ZNF521: variants seen among roughly 807,000 people sequenced by gnomAD.
The protein encoded by ZNF521 is zinc finger protein 521, also known as LYST-interacting protein 3.
ZNF521 carries 14 observed loss-of-function variants against 105.5 expected under a neutral mutation model. The ratio of observed to expected loss-of-function variants is 0.13; its 90% confidence interval spans 0.09 to 0.21. The LOEUF (loss-of-function observed/expected upper bound fraction) is 0.21. Ranked by LOEUF, ZNF521 falls within the 10% of genes least tolerant of loss-of-function variation. ZNF521 has a pLI of 1.00. For missense variants in ZNF521, 1,233 were observed against 1,629.7 expected, an observed-to-expected ratio of 0.76 and a Z score of 4.19; for synonymous variants, 635 against 606.0, an observed-to-expected ratio of 1.05 and a Z score of -0.70.
intron 5 of ZNF521, among the ~76,000 whole-genome samples, chr18:25,173,106 A>G (rs892147031): frequency 6.6e-6 from 1 of 152,238 alleles, no homozygotes; most frequent in Non-Finnish European, 1.5e-5. Flanking sequence ...TGCCAGTGAG[A>G]ATGATAAATC....
intron 3 of ZNF521, among the ~76,000 whole-genome samples, chr18:25,285,692 TCTCTCTCACACACACA>T (rs1910658152): frequency 7.4e-6 from 1 of 134,662 alleles, no homozygotes; most frequent in South Asian, 2.9e-4. Context: ...TCTCTCTCTC[TCTCTCTCACACACACA>T]CACACACACA....
At chr18:25,137,863 C>T (rs540213385) in intron 5 of ZNF521, among the ~76,000 whole-genome samples, 3 of 152,216 alleles carry the variant, frequency 2.0e-5, no homozygotes, top group South Asian at 2.1e-4. Context: ...CCTAAGGATG[C>T]CTAATCCTAA....
chr18:25,277,192 A>AG (rs1910089521), intron 3 of ZNF521, among the ~76,000 whole-genome samples: 1 of 152,118 alleles, frequency 6.6e-6, no homozygotes, highest in Non-Finnish European at 1.5e-5. Flanking sequence ...CAAAAAAAAA[A>AG]AAAAAGTGTA....
At chr18:25,328,773 C>T (rs879325828) in intron 2 of ZNF521, among the ~76,000 whole-genome samples, 25 of 151,976 alleles carry the variant, frequency 1.6e-4, no homozygotes, top group Admixed American at 1.1e-3. Flanking sequence ...AGGATGGTCT[C>T]GATCTTCTGA....
intron 3 of ZNF521, among the ~76,000 whole-genome samples, chr18:25,271,898 T>A (rs963649444): frequency 7.2e-5 from 11 of 151,856 alleles, no homozygotes; most frequent in African/African-American, 2.7e-4. Flanking sequence ...GCAACAAAAG[T>A]CAAAATTGAC....
chr18:25,351,038 GCGCCCTCCGCT>G (rs1279743097), intron 1 of ZNF521, 91 bp from the exon 2 acceptor site: 35 of 1,095,636 alleles, frequency 3.2e-5, no homozygotes, highest in Non-Finnish European at 7.2e-6. Context: ...GCGGCGCCTC[GCGCCCTCCGCT>G]CGGCCTCCCT....
intron 3 of ZNF521, among the ~76,000 whole-genome samples, chr18:25,235,927 T>C (rs1396433247): frequency 2.3e-5 from 3 of 132,422 alleles, no homozygotes; most frequent in African/African-American, 3.2e-5. Context: ...GGGGGAACTA[T>C]TACTACAATT....
intron 4 of ZNF521, among the ~76,000 whole-genome samples, chr18:25,211,598 A>T (rs2036180312): frequency 6.6e-6 from 1 of 152,050 alleles, no homozygotes; most frequent in Non-Finnish European, 1.5e-5. Context: ...TTTTTCCATC[A>T]GTTTCTAGCT....
intron 3 of ZNF521, among the ~76,000 whole-genome samples, chr18:25,285,698 TCACACACA>T (rs66794523): frequency 0.036 from 5,230 of 147,066 alleles, 291 homozygotes; most frequent in African/African-American, 0.12. Context: ...TCTCTCTCTC[TCACACACA>T]CACACACACA....
chr18:25,289,139 C>G (rs527354082), intron 3 of ZNF521, among the ~76,000 whole-genome samples: 1 of 151,950 alleles, frequency 6.6e-6, no homozygotes, highest in Non-Finnish European at 1.5e-5. Context: ...TGCTAAATGA[C>G]AAAATGAATG....
intron 7 of ZNF521, among the ~76,000 whole-genome samples, chr18:25,082,136 A>G (rs1466272343): frequency 6.6e-6 from 1 of 152,228 alleles, no homozygotes; most frequent in Admixed American, 6.5e-5. Flanking sequence ...TTTACTTCCA[A>G]AGCCCTGCAG....
At position 25,226,065 on chromosome 18, in the gene ZNF521, T is replaced by G. The variant is rs1906107744; in HGVS notation, c.1853A>C (p.Lys618Thr). The G allele has an allele frequency of 1.2e-6, 2 of 1,614,078 alleles. No homozygotes were observed. The highest frequency in any genetic ancestry group is 1.7e-6 in the Non-Finnish European group (2 of 1,180,028). ...SPVAIEQTSL[K>T]MMQAVGGAPA... ...TGCACCTCCTACTGCCTGCATCATC[T>G]TAAGAGATGTCTGCTCTATGGCCAC... Residue 618 changes from lysine (K) to threonine (T), a missense_variant, in exon 4 of 8, where the codon AAG becomes ACG. By Grantham distance (78) the Lys-to-Thr change is moderately conservative (BLOSUM62 -1). This residue lies in a region of ZNF521 where 614 missense variants were observed against 751.5 expected (regional missense o/e 0.82). Coordinates refer to ENST00000361524, the MANE Select transcript of ZNF521 (RefSeq NM_015461.3). The surrounding 1 kb of genome is among the most constrained non-coding windows in gnomAD (Gnocchi z 4.1).
chr18:25,281,205 A>G (rs1357165856), intron 3 of ZNF521, among the ~76,000 whole-genome samples: 1 of 152,212 alleles, frequency 6.6e-6, no homozygotes, highest in Non-Finnish European at 1.5e-5. Flanking sequence ...TTCATAGAAA[A>G]CCAGGACTAG....
rs779884258 is a variant in ZNF521, at chr18:25,351,991, T to A, written c.-2+14A>T. ...GAGAAGGAGTGTGCTGTGTGCTCCC[T>A]CCTCATCACAAACCTGCAAGGTCTT... is the stretch of plus-strand genomic sequence containing the variant. On this transcript the variant is annotated intron_variant, in intron 1 of 7. Coordinates refer to ENST00000361524, the MANE Select transcript of ZNF521 (RefSeq NM_015461.3). The A allele has an allele frequency of 1.4e-5, 6 of 442,458 alleles. No individual in the cohort carries two copies. Among genetic ancestry groups the A allele is most frequent in the Non-Finnish European group, 2.8e-5 (6 of 217,652 alleles). The allele number at this position is 442,458 out of a possible 1,614,324, so 27.4% of individuals were successfully genotyped here. A position where few individuals can be genotyped will look rare whatever the true frequency, so the allele number is the denominator to read the frequency against.
chr18:25,225,915 T>G lies in ZNF521; in HGVS notation c.2003A>C (p.Gln668Pro). 1 of 1,614,168 alleles carries G rather than the reference T, an allele frequency of 6.2e-7. No homozygotes were observed. The highest frequency in any genetic ancestry group is 2.2e-5 in the East Asian group (1 of 44,882). Residue 668 changes from glutamine (Q) to proline (P), a missense_variant, in exon 4 of 8, where the codon CAG becomes CCG. By Grantham distance (76) the Gln-to-Pro change is moderately conservative (BLOSUM62 -1). Around this residue, in one of 6 missense-constraint regions of ZNF521, gnomAD observed 614 missense variants for 751.5 expected, o/e 0.82. Transcript: ENST00000361524. This position sits in a 1 kb window ranked among gnomAD's most constrained non-coding sequence, Gnocchi z 5.6. ...TTGGTTGGGGAATTCCTTGTTGCAC[T>G]GAGGACAGGTCAATTTTGGAAGCAC... is the stretch of plus-strand genomic sequence containing the variant. ...DTVLPKLTCP[Q>P]CNKEFPNQES... is the part of the protein sequence containing the mutation.
chr18:25,216,731 C>T (rs1391094726), intron 4 of ZNF521, among the ~76,000 whole-genome samples: 6 of 152,100 alleles, frequency 3.9e-5, no homozygotes, highest in Non-Finnish European at 8.8e-5. Flanking sequence ...ATTAATTTTT[C>T]ATTTCTGTAG....
In ZNF521 at chr18:25,226,532, A is replaced by G. The variant is rs2144738078; in HGVS notation, c.1386T>C (p.Ala462=). The change falls in exon 4 of 8, where the codon GCT becomes GCC. Residue 462 remains alanine (A), a synonymous_variant. Transcript: ENST00000361524. This position sits in a 1 kb window ranked among gnomAD's most constrained non-coding sequence, Gnocchi z 4.1. The part of the protein sequence containing the change: ...LNEHLKQVHE[A]QDPGLIVSAM... Reference sequence around the variant, plus strand: ...CAGAAACAATCAGACCTGGGTCCTGAGCTTCATGCACTTGCTTAAGATGTT... The same window carrying G: ...CAGAAACAATCAGACCTGGGTCCTGGGCTTCATGCACTTGCTTAAGATGTT... 1 of 1,614,138 alleles carries G rather than the reference A, an allele frequency of 6.2e-7. No homozygotes were observed. Among genetic ancestry groups the G allele is most frequent in the Middle Eastern group, 1.6e-4 (1 of 6,062 alleles).
chr18:25,323,049 C>T (rs185928131), intron 2 of ZNF521, among the ~76,000 whole-genome samples: 218 of 151,872 alleles, frequency 1.4e-3, no homozygotes, highest in Non-Finnish European at 2.1e-3. Context: ...TGATTAGTTA[C>T]GCTGTCCTTT....
intron 2 of ZNF521, among the ~76,000 whole-genome samples, chr18:25,337,228 A>G (rs1311324927): frequency 6.6e-6 from 1 of 152,234 alleles, no homozygotes; most frequent in Non-Finnish European, 1.5e-5. Flanking sequence ...AATGAAAAGA[A>G]AGATTAGGAA....
Sources: allele counts gnomAD v4.1 joint callset (sites outside exome capture counted in the v4.1 genomes callset), GRCh38; gene constraint gnomAD v4.1.1; regional missense constraint gnomAD v4.1.1; non-coding constraint Gnocchi (gnomAD v3.1); transcripts MANE v1.5; gene names NCBI Gene and HGNC (gene_info 2026-07-23, HGNC 2026-07-21).